Variants in PCDHA12 observed in about 807,000 individuals in gnomAD.
The protein encoded by PCDHA12 is protocadherin alpha 12, also known as protocadherin alpha-12.
PCDHA12 carries 44 observed loss-of-function variants against 60.0 expected under a neutral mutation model. The ratio of observed to expected loss-of-function variants is 0.73; its 90% confidence interval spans 0.58 to 0.94. The LOEUF is 0.94. Ranked by LOEUF, PCDHA12 falls within the 40% of genes least tolerant of loss-of-function variation. The probability of loss-of-function intolerance (pLI) is 0.00; values close to 1 mark genes in which losing one functional copy is unlikely to be tolerated. For missense variants in PCDHA12, 1,276 were observed against 1,239.7 expected, an observed-to-expected ratio of 1.03 and a Z score of -0.44; for synonymous variants, 569 against 553.0, an observed-to-expected ratio of 1.03 and a Z score of -0.40.
At chr5:140,982,592 C>G (rs376230429) in intron 3 of PCDHA12, 29 bp downstream of exon 3, 3 of 1,610,372 alleles carry the variant, frequency 1.9e-6, no homozygotes, top group Non-Finnish European at 2.5e-6. Flanking sequence ...TCCATTCTTT[C>G]TTGGTTTCTG....
intron 1 of PCDHA12, among the ~76,000 whole-genome samples, chr5:140,885,718 C>T (rs2060696401): frequency 6.6e-6 from 1 of 152,124 alleles, no homozygotes; most frequent in South Asian, 2.1e-4. Flanking sequence ...CTAATGTGAT[C>T]TCTGTGAAAT....
intron 1 of PCDHA12, among the ~76,000 whole-genome samples, chr5:140,975,395 C>T (rs2096665697): frequency 6.6e-6 from 1 of 152,246 alleles, no homozygotes; most frequent in Admixed American, 6.5e-5. Flanking sequence ...AGATCCATCA[C>T]AATCACAGTC....
At chr5:140,976,724 T>C (rs372662527) in intron 1 of PCDHA12, among the ~76,000 whole-genome samples, 6 of 152,202 alleles carry the variant, frequency 3.9e-5, no homozygotes, top group African/African-American at 1.4e-4. Flanking sequence ...AGTTCATTTA[T>C]TTAAACACAT....
intron 1 of PCDHA12, among the ~76,000 whole-genome samples, chr5:140,900,796 A>G (rs1269266602): frequency 1.3e-5 from 2 of 152,188 alleles, no homozygotes; most frequent in Admixed American, 6.5e-5. Flanking sequence ...ACTGTTCTCC[A>G]TAGTGCTTGT....
At chr5:141,001,653 G>A (rs2098030504) in intron 3 of PCDHA12, among the ~76,000 whole-genome samples, 1 of 152,182 alleles carries the variant, frequency 6.6e-6, no homozygotes, top group African/African-American at 2.4e-5. Context: ...TGTGGGAGAA[G>A]GCGGAGCTTG....
intron 3 of PCDHA12, among the ~76,000 whole-genome samples, chr5:140,995,774 G>A (rs2097697505): frequency 1.3e-5 from 2 of 151,968 alleles, no homozygotes; most frequent in Admixed American, 1.3e-4. Context: ...GAGAGTGAAG[G>A]GCAGGTTTAA....
chr5:140,972,280 T>C (rs1210047183), intron 1 of PCDHA12, among the ~76,000 whole-genome samples: 1 of 151,092 alleles, frequency 6.6e-6, no homozygotes, highest in South Asian at 2.1e-4. Context: ...GCTTGGACCA[T>C]AGATGTGCGC....
intron 1 of PCDHA12, among the ~76,000 whole-genome samples, chr5:140,894,027 A>G (rs1251239546): frequency 6.6e-6 from 1 of 152,206 alleles, no homozygotes; most frequent in Non-Finnish European, 1.5e-5. Context: ...AGTTCTGCAT[A>G]CTGGTAATGT....
chr5:140,915,164 G>A (rs782783727), intron 1 of PCDHA12, among the ~76,000 whole-genome samples: 27 of 152,144 alleles, frequency 1.8e-4, no homozygotes, highest in African/African-American at 5.3e-4. Flanking sequence ...GGCCAGGATA[G>A]TCTCGATCTC....
At chr5:140,905,950 T>C (rs2072233262) in intron 1 of PCDHA12, among the ~76,000 whole-genome samples, 1 of 152,206 alleles carries the variant, frequency 6.6e-6, no homozygotes, top group Non-Finnish European at 1.5e-5. Flanking sequence ...TGGAATCCGA[T>C]GTTCAAGGGG....
At chr5:140,998,287 G>A (rs1209811850) in intron 3 of PCDHA12, among the ~76,000 whole-genome samples, 3 of 152,154 alleles carry the variant, frequency 2.0e-5, no homozygotes, top group Non-Finnish European at 4.4e-5. Flanking sequence ...GATTAAATCA[G>A]ATCACACATT....
intron 3 of PCDHA12, among the ~76,000 whole-genome samples, chr5:140,999,199 A>G (rs1354176825): frequency 2.0e-5 from 3 of 152,228 alleles, no homozygotes; most frequent in Non-Finnish European, 4.4e-5. Context: ...CTTGGAAAAG[A>G]GAATTTCTGG....
At chr5:140,992,017 C>CTGTGTGTGTGTGTG (rs10602499) in intron 3 of PCDHA12, among the ~76,000 whole-genome samples, 1 of 145,628 alleles carries the variant, frequency 6.9e-6, no homozygotes, top group African/African-American at 2.5e-5. Flanking sequence ...AGAGGTGGCT[C>CTGTGTGTGTGTGTG]TGTGTGTGTG....
chr5:140,899,162 C>T (rs1237064232), intron 1 of PCDHA12, among the ~76,000 whole-genome samples: 31 of 152,224 alleles, frequency 2.0e-4, no homozygotes, highest in African/African-American at 7.2e-4. Flanking sequence ...TTCCTCTTTT[C>T]CTAATTGAAT....
At chr5:140,968,560 C>T (rs782202250) in intron 1 of PCDHA12, 2 of 1,614,154 alleles carry the variant, frequency 1.2e-6, no homozygotes, top group Admixed American at 1.7e-5. Context: ...CTCGAACTGC[C>T]CCTGCTGGCT....
intron 1 of PCDHA12, chr5:140,883,167 G>A (rs781855278): frequency 6.2e-7 from 1 of 1,613,864 alleles, no homozygotes; most frequent in East Asian, 2.2e-5. Context: ...CCGAACAATG[G>A]AGAAATTAGG....
chr5:140,996,678 G>T (rs922990686), intron 3 of PCDHA12, among the ~76,000 whole-genome samples: 28 of 152,162 alleles, frequency 1.8e-4, no homozygotes, highest in African/African-American at 6.7e-4. Context: ...AACCATGTTG[G>T]GCTAGTATTC....
intron 1 of PCDHA12, among the ~76,000 whole-genome samples, chr5:140,901,191 C>A (rs2153472732): frequency 6.6e-6 from 1 of 152,084 alleles, no homozygotes; most frequent in Non-Finnish European, 1.5e-5. Context: ...GTTTGCTTTT[C>A]TGTGCAGAAG....
rs781892034 is a variant in PCDHA12, at chr5:140,968,314, G to A, written c.2368-10635G>A. ...TTCTGGAGAGGGAGATTCAAGGGCT[G>A]CCAGTCACCTCCTATGTCTCCATTA... On this transcript the variant is annotated intron_variant, in intron 1 of 3. Transcript: ENST00000398631. The A allele has an allele frequency of 2.5e-6, 4 of 1,613,960 alleles. No individual in the cohort carries two copies. The South Asian group carries it at 4.4e-5, about 18-fold the overall frequency.
Sources: gnomAD v4.1 joint callset for allele counts (sites outside exome capture counted in the v4.1 genomes callset) on GRCh38, gnomAD v4.1.1 for gene constraint, MANE v1.5 for transcripts, NCBI Gene and HGNC (gene_info 2026-07-23, HGNC 2026-07-21) for gene names.